MAP2K2: variants seen among roughly 807,000 people sequenced by gnomAD.
The protein encoded by MAP2K2 is dual specificity mitogen-activated protein kinase kinase 2.
A neutral mutation model predicts 43.7 loss-of-function variants in MAP2K2; 24 were observed. The observed-to-expected ratio is 0.55, with a 90% CI of 0.40 to 0.77. MAP2K2 has a LOEUF of 0.77. Ranked by LOEUF, MAP2K2 falls within the 30% of genes least tolerant of loss-of-function variation. The probability of loss-of-function intolerance (pLI) is 0.00; values close to 1 mark genes in which losing one functional copy is unlikely to be tolerated. For missense variants in MAP2K2, 470 were observed against 566.8 expected, an observed-to-expected ratio of 0.83 and a Z score of 1.73; for synonymous variants, 244 against 239.7, an observed-to-expected ratio of 1.02 and a Z score of -0.17.
chr19:4,105,553 T>A (rs1291189537), intron 3 of MAP2K2, among the ~76,000 whole-genome samples: 1 of 152,190 alleles, frequency 6.6e-6, no homozygotes, highest in African/African-American at 2.4e-5. Flanking sequence ...ATTACAGGCT[T>A]GAGCCACCGC....
In MAP2K2 at chr19:4,090,700, G is replaced by A. The variant is rs1483599413; in HGVS notation, c.1101C>T (p.Thr367=). 2 of 1,556,766 alleles carry A rather than the reference G, an allele frequency of 1.3e-6. No individual in the cohort carries two copies. Among genetic ancestry groups the A allele is most frequent in the Non-Finnish European group, 1.7e-6 (2 of 1,149,916 alleles). Residue 367 remains threonine (T), a synonymous_variant, in exon 11 of 11, where the codon ACC becomes ACT. Coordinates refer to ENST00000262948, the MANE Select transcript of MAP2K2 (RefSeq NM_030662.4). ...CTTCCACCTCGGACCGCTTGATGAA[G>A]GTGTGGTTCTGCAAGGAAAGGGGAG... is the stretch of plus-strand genomic sequence containing the variant. ...RADLKMLTNH[T]FIKRSEVEEV... is the part of the protein sequence containing the mutation.
intron 2 of MAP2K2, among the ~76,000 whole-genome samples, chr19:4,111,825 C>T (rs545545575): frequency 3.3e-5 from 5 of 152,126 alleles, no homozygotes; most frequent in South Asian, 4.2e-4. Context: ...TGGTGGCAGG[C>T]GCCTGTAATC....
intron 3 of MAP2K2, chr19:4,102,979 G>T: frequency 9.2e-7 from 1 of 1,092,852 alleles, no homozygotes; most frequent in Non-Finnish European, 1.1e-6. Context: ...CTGTGTGCCC[G>T]TCCAGACCCC....
chr19:4,111,940 C>T (rs562064027), intron 2 of MAP2K2, among the ~76,000 whole-genome samples: 4 of 152,044 alleles, frequency 2.6e-5, no homozygotes, highest in South Asian at 2.1e-4. Context: ...GGGACAAGAG[C>T]GAGACTTTGT....
At position 4,094,439 on chromosome 19, in the gene MAP2K2, C is replaced by T. The variant is rs371297574; in HGVS notation, c.1092+14G>A. 1.3e-6 allele frequency: 2 copies of T among 1,557,392 alleles called. No homozygotes were observed. Among genetic ancestry groups the T allele is most frequent in the Admixed American group, 3.9e-5 (2 of 51,460 alleles). On this transcript the variant is annotated intron_variant, in intron 10 of 10. Coordinates refer to ENST00000262948, the MANE Select transcript of MAP2K2 (RefSeq NM_030662.4). Reference sequence around the variant, plus strand: ...TGCACCCTCCCGGTCCCAGAACCCGCTGGCATCACTCACTGTGAGCATCTT... The same window carrying T: ...TGCACCCTCCCGGTCCCAGAACCCGTTGGCATCACTCACTGTGAGCATCTT...
At chr19:4,090,961 G>A (rs772841594) in intron 10 of MAP2K2, among the ~76,000 whole-genome samples, 21 of 152,330 alleles carry the variant, frequency 1.4e-4, no homozygotes, top group African/African-American at 3.6e-4. Context: ...CCACCAGCAC[G>A]GCAGCCTGCG....
At chr19:4,099,180 A>C in intron 7 of MAP2K2, 21 bp downstream of exon 7, 1 of 1,586,182 alleles carries the variant, frequency 6.3e-7, no homozygotes, top group South Asian at 1.1e-5. Flanking sequence ...CCAGACCGGA[A>C]GTTGCAGATT....
At chr19:4,098,058 C>A (rs185684343) in intron 7 of MAP2K2, among the ~76,000 whole-genome samples, 2 of 152,344 alleles carry the variant, frequency 1.3e-5, no homozygotes, top group East Asian at 3.9e-4. Context: ...CAGCCCCAAT[C>A]CATCCGGGTA....
chr19:4,107,937 C>T (rs540892766), intron 3 of MAP2K2, among the ~76,000 whole-genome samples: 28 of 152,264 alleles, frequency 1.8e-4, no homozygotes, highest in African/African-American at 5.1e-4. Flanking sequence ...GTCCCGAACC[C>T]GTGGTAAGGG....
intron 10 of MAP2K2, 133 bp downstream of exon 10, chr19:4,094,320 C>G: frequency 1.0e-6 from 1 of 958,108 alleles, no homozygotes; most frequent in Non-Finnish European, 1.6e-6. Context: ...CGTGGCCTGG[C>G]ACACCCGGCC....
chr19:4,118,507 A>G (rs2041255873), intron 1 of MAP2K2, among the ~76,000 whole-genome samples: 1 of 152,100 alleles, frequency 6.6e-6, no homozygotes, highest in South Asian at 2.1e-4. Context: ...TGAACCCGGG[A>G]GGGGGAGATT....
intron 3 of MAP2K2, 143 bp downstream of exon 3, chr19:4,110,366 G>T: frequency 1.0e-6 from 1 of 958,898 alleles, no homozygotes; most frequent in Non-Finnish European, 1.6e-6. Context: ...TACTTGTATG[G>T]CATCGACTGC....
At chr19:4,117,736 C>T (rs1028142922) in intron 1 of MAP2K2, 107 bp from the exon 2 acceptor site, 2 of 987,734 alleles carry the variant, frequency 2.0e-6, no homozygotes, top group Admixed American at 1.8e-5. Context: ...AGACTGGATT[C>T]CTGCACTTGA....
At chr19:4,107,123 C>T (rs1004482376) in intron 3 of MAP2K2, among the ~76,000 whole-genome samples, 5 of 152,278 alleles carry the variant, frequency 3.3e-5, no homozygotes, top group East Asian at 1.9e-4. Flanking sequence ...TCACTGGGCA[C>T]GGTGGCTCAC....
chr19:4,103,616 C>T (rs2041046875), intron 3 of MAP2K2: 1 of 151,960 alleles, frequency 6.6e-6, no homozygotes, highest in South Asian at 2.1e-4. Context: ...CCAGCCTTCC[C>T]TGGGATGGCT....
chr19:4,106,887 C>T (rs751670553), intron 3 of MAP2K2, among the ~76,000 whole-genome samples: 4 of 152,204 alleles, frequency 2.6e-5, no homozygotes, highest in East Asian at 3.8e-4. Context: ...TAGAACAAGA[C>T]GGGCATTCTT....
intron 3 of MAP2K2, among the ~76,000 whole-genome samples, chr19:4,109,922 G>C (rs1200877714): frequency 6.6e-6 from 1 of 152,162 alleles, no homozygotes; most frequent in African/African-American, 2.4e-5. Flanking sequence ...CCCAAAACGG[G>C]AGTGTTTTCC....
chr19:4,099,637 C>T (rs2040973031), intron 6 of MAP2K2: 2 of 590,594 alleles, frequency 3.4e-6, no homozygotes, highest in Non-Finnish European at 6.0e-6. Flanking sequence ...CTGGTGTTGA[C>T]CGCAGCTCTT....
In MAP2K2 at chr19:4,117,390, C is replaced by T. The variant is rs180919929; in HGVS notation, c.303+29G>A. The stretch of plus-strand genomic sequence containing the variant: ...TCCAGGGGGACCTTCCCCACCACTC[C>T]CCGACCTCCCCGACCCCGCAGTGCT... On this transcript the variant is annotated intron_variant, in intron 2 of 10. Transcript: ENST00000262948. 718 of 1,605,628 alleles carry T rather than the reference C, an allele frequency of 4.5e-4. 1 individual carries two copies. Among genetic ancestry groups the T allele is most frequent in the Non-Finnish European group, 5.7e-4 (670 of 1,177,040 alleles).
Sources: allele counts gnomAD v4.1 joint callset (sites outside exome capture counted in the v4.1 genomes callset), GRCh38; gene constraint gnomAD v4.1.1; transcripts MANE v1.5; gene names NCBI Gene and HGNC (gene_info 2026-07-23, HGNC 2026-07-21).